OLFM3: variants seen among roughly 807,000 people sequenced by gnomAD.
OLFM3 encodes the protein olfactomedin 3.
OLFM3 carries 20 observed loss-of-function variants against 48.6 expected under a neutral mutation model. The ratio of observed to expected loss-of-function variants is 0.41; its 90% CI spans 0.29 to 0.60. The LOEUF (loss-of-function observed/expected upper bound fraction) is 0.60, where lower values mean the gene tolerates loss of function less well. Ranked by LOEUF, OLFM3 falls within the 20% of genes least tolerant of loss-of-function variation. The probability of loss-of-function intolerance (pLI) is 0.28; values close to 1 mark genes in which losing one functional copy is unlikely to be tolerated. For missense variants in OLFM3, 437 were observed against 544.3 expected (o/e 0.80, Z 1.96); for synonymous variants, 222 against 198.1 (o/e 1.12, Z -1.01).
chr1:101,862,651 GC>G (rs530329298), intron 1 of OLFM3, among the ~76,000 whole-genome samples: 206 of 152,232 alleles, frequency 1.4e-3, no homozygotes, highest in African/African-American at 4.7e-3. Flanking sequence ...ATCACCTGTT[GC>G]CTTTGATAAT....
intron 1 of OLFM3, among the ~76,000 whole-genome samples, chr1:101,953,310 T>C (rs1660199363): frequency 6.6e-6 from 1 of 152,130 alleles, no homozygotes; most frequent in Admixed American, 6.6e-5. Flanking sequence ...CTCCACCTGT[T>C]TTTGTAAATA....
chr1:101,920,021 C>T (rs1159438665), intron 1 of OLFM3, among the ~76,000 whole-genome samples: 2 of 152,124 alleles, frequency 1.3e-5, no homozygotes, highest in African/African-American at 4.8e-5. Context: ...ATTTCATAAC[C>T]AACCTGTCAG....
intron 4 of OLFM3, among the ~76,000 whole-genome samples, chr1:101,809,049 A>G (rs1653920724): frequency 6.6e-6 from 1 of 151,708 alleles, no homozygotes; most frequent in Non-Finnish European, 1.5e-5. Context: ...CAAAAGAGAT[A>G]AAAATGAAAA....
At chr1:101,893,197 A>G in intron 1 of OLFM3, 1 of 291,844 alleles carries the variant, frequency 3.4e-6, no homozygotes, top group Non-Finnish European at 6.6e-6. Flanking sequence ...GCAACAAGAA[A>G]ACAGGCTCTG....
At chr1:101,958,811 G>A (rs1660377910) in intron 1 of OLFM3, among the ~76,000 whole-genome samples, 1 of 140,866 alleles carries the variant, frequency 7.1e-6, no homozygotes, top group Non-Finnish European at 1.5e-5. Flanking sequence ...AAACTTGTAT[G>A]TTCTTATGGT....
chr1:101,986,166 A>C (rs542078800), intron 1 of OLFM3, among the ~76,000 whole-genome samples: 2 of 151,942 alleles, frequency 1.3e-5, no homozygotes, highest in East Asian at 1.9e-4. Context: ...GGGGTTTCAC[A>C]GTGTTAGCCA....
chr1:101,893,208 CA>C, intron 1 of OLFM3: 1 of 285,926 alleles, frequency 3.5e-6, no homozygotes, highest in Non-Finnish European at 6.8e-6. Context: ...ACAGGCTCTG[CA>C]AAATAATGTG....
At chr1:101,914,560 G>T (rs117361095) in intron 1 of OLFM3, among the ~76,000 whole-genome samples, 1,911 of 152,194 alleles carry the variant, frequency 0.013, 53 homozygotes, top group Admixed American at 0.064. Context: ...TATTAAATTA[G>T]CTCATTGCTT....
intron 1 of OLFM3, among the ~76,000 whole-genome samples, chr1:101,955,284 T>C (rs1660254292): frequency 6.6e-6 from 1 of 151,980 alleles, no homozygotes; most frequent in Non-Finnish European, 1.5e-5. Flanking sequence ...AATCACATTT[T>C]AACAAAATAA....
intron 1 of OLFM3, among the ~76,000 whole-genome samples, chr1:101,849,329 T>A (rs75035960): frequency 0.11 from 16,754 of 152,200 alleles, 1,018 homozygotes; most frequent in Non-Finnish European, 0.13. Context: ...GATTAGTCTA[T>A]TGAGAAGTAG....
At chr1:101,983,915 T>C (rs778547485) in intron 1 of OLFM3, among the ~76,000 whole-genome samples, 3 of 152,202 alleles carry the variant, frequency 2.0e-5, no homozygotes, top group Non-Finnish European at 4.4e-5. Context: ...TTTTGACTGA[T>C]GACAGCGATG....
intron 1 of OLFM3, among the ~76,000 whole-genome samples, chr1:101,910,841 A>G (rs959246106): frequency 2.0e-5 from 3 of 152,202 alleles, no homozygotes; most frequent in Non-Finnish European, 2.9e-5. Context: ...AATCACTACT[A>G]TTTCCAGATT....
intron 1 of OLFM3, among the ~76,000 whole-genome samples, chr1:101,869,684 T>C (rs1171181733): frequency 6.6e-6 from 1 of 152,154 alleles, no homozygotes; most frequent in Non-Finnish European, 1.5e-5. Context: ...GAATTGTAAC[T>C]TTCATAATCT....
At chr1:101,934,131 G>A (rs186721295) in intron 1 of OLFM3, among the ~76,000 whole-genome samples, 22 of 152,112 alleles carry the variant, frequency 1.4e-4, no homozygotes, top group Non-Finnish European at 2.1e-4. Flanking sequence ...AACCTTGAAT[G>A]CAAACAGGCT....
intron 3 of OLFM3, among the ~76,000 whole-genome samples, chr1:101,826,589 T>C (rs1654877567): frequency 6.6e-6 from 1 of 152,152 alleles, no homozygotes; most frequent in Non-Finnish European, 1.5e-5. Context: ...TGTGGGGAAA[T>C]TTCCACTTGC....
At chr1:101,811,822 C>A (rs1230802505) in intron 4 of OLFM3, among the ~76,000 whole-genome samples, 3 of 152,036 alleles carry the variant, frequency 2.0e-5, no homozygotes, top group African/African-American at 4.8e-5. Context: ...TTGACCCAGC[C>A]ATCCCATTAC....
chr1:101,831,063 G>A lies in OLFM3; in HGVS notation c.217-236C>T, dbSNP rs1017478739. Among the ~76,000 whole-genome samples, 8 of 152,258 alleles carry A rather than the reference G, an allele frequency of 5.3e-5. No individual in the cohort carries two copies. In the East Asian group the frequency reaches 7.7e-4, roughly 15 times the overall value. On this transcript the variant is annotated intron_variant, in intron 2 of 5. Transcript: ENST00000370103. ...AAACGGGCATTCTAGCATTAGAACT[G>A]ACTGAATATAAATGGGCTTAATACA...
chr1:101,828,486 A>G (rs909590672), intron 3 of OLFM3, among the ~76,000 whole-genome samples: 10 of 152,206 alleles, frequency 6.6e-5, no homozygotes, highest in African/African-American at 1.9e-4. Flanking sequence ...ATTATGTCAC[A>G]TGGTGCTGCT....
chr1:101,905,932 G>A (rs1217898791), intron 1 of OLFM3, among the ~76,000 whole-genome samples: 3 of 152,096 alleles, frequency 2.0e-5, no homozygotes, highest in Admixed American at 6.6e-5. Flanking sequence ...CTTTGTATGG[G>A]CTTCTTTTCT....
Sources: allele counts gnomAD v4.1 joint callset (sites outside exome capture counted in the v4.1 genomes callset), GRCh38; gene constraint gnomAD v4.1.1; transcripts MANE v1.5; gene names NCBI Gene and HGNC (gene_info 2026-07-23, HGNC 2026-07-21).